The following CDH22 variants were observed in gnomAD, a reference collection of about 807,000 sequenced individuals.
CDH22 encodes cadherin 22.
A neutral mutation model predicts 58.4 loss-of-function variants in CDH22; 30 were observed. That is an observed-to-expected ratio of 0.51 (90% CI 0.38 to 0.70). CDH22 has a LOEUF of 0.70. Ranked by LOEUF, CDH22 falls within the 30% of genes least tolerant of loss-of-function variation. The probability of loss-of-function intolerance (pLI) is 0.00; values close to 1 mark genes in which losing one functional copy is unlikely to be tolerated. For missense variants in CDH22, 1,014 were observed against 1,233.9 expected (o/e 0.82, Z 2.67); for synonymous variants, 513 against 558.2 (o/e 0.92, Z 1.14).
chr20:46,286,318 G>A (rs1027620021), intron 1 of CDH22, among the ~76,000 whole-genome samples: 2 of 152,068 alleles, frequency 1.3e-5, no homozygotes, highest in African/African-American at 4.8e-5. Flanking sequence ...GCAGGGAGTC[G>A]AGGTCCAAAT....
At chr20:46,234,779 A>T (rs1202457141) in intron 3 of CDH22, among the ~76,000 whole-genome samples, 1 of 152,246 alleles carries the variant, frequency 6.6e-6, no homozygotes, top group Non-Finnish European at 1.5e-5. Context: ...AATACAGCCC[A>T]ACAGTCACTA....
At chr20:46,275,363 A>T (rs1439969887) in intron 1 of CDH22, among the ~76,000 whole-genome samples, 1 of 151,882 alleles carries the variant, frequency 6.6e-6, no homozygotes, top group African/African-American at 2.4e-5. Flanking sequence ...TTGCCATCTG[A>T]CTATCTTTGT....
intron 1 of CDH22, among the ~76,000 whole-genome samples, chr20:46,301,979 C>A (rs1319397971): frequency 6.6e-6 from 1 of 152,210 alleles, no homozygotes; most frequent in Non-Finnish European, 1.5e-5. Context: ...CTTCTCTCCT[C>A]TCTAAGTGCC....
chr20:46,253,563 C>T (rs2086391571), intron 1 of CDH22, among the ~76,000 whole-genome samples: 1 of 152,188 alleles, frequency 6.6e-6, no homozygotes, highest in Non-Finnish European at 1.5e-5. Flanking sequence ...GCTTCCCAAC[C>T]CTGGCAGCCC....
chr20:46,187,055 T>G, intron 8 of CDH22, 108 bp from the exon 9 acceptor site: 1 of 1,248,776 alleles, frequency 8.0e-7, no homozygotes, highest in Non-Finnish European at 1.1e-6. Flanking sequence ...GCTGAGAAAT[T>G]TGTGGGTTAA....
intron 1 of CDH22, among the ~76,000 whole-genome samples, chr20:46,255,507 G>A (rs1391274014): frequency 5.9e-5 from 9 of 152,204 alleles, no homozygotes; most frequent in Non-Finnish European, 1.2e-4. Flanking sequence ...AGCCTGCCCC[G>A]CCTTGTGAGG....
intron 1 of CDH22, among the ~76,000 whole-genome samples, chr20:46,293,917 A>G: frequency 6.6e-6 from 1 of 152,204 alleles, no homozygotes; most frequent in South Asian, 2.1e-4. Context: ...CAGGAGGCTG[A>G]GGCAGGAGAA....
chr20:46,289,804 G>A (rs796470131), intron 1 of CDH22, among the ~76,000 whole-genome samples: 17 of 152,336 alleles, frequency 1.1e-4, no homozygotes, highest in African/African-American at 4.1e-4. Flanking sequence ...ATGAGCCAAG[G>A]AATCTCTAGA....
At chr20:46,222,724 T>G (rs1204795518) in intron 4 of CDH22, among the ~76,000 whole-genome samples, 1 of 152,210 alleles carries the variant, frequency 6.6e-6, no homozygotes, top group Non-Finnish European at 1.5e-5. Flanking sequence ...GATGCCTCAT[T>G]AGCACACAAA....
intron 8 of CDH22, among the ~76,000 whole-genome samples, chr20:46,196,744 AC>A (rs2085906324): frequency 2.6e-5 from 4 of 152,016 alleles, no homozygotes; most frequent in Admixed American, 6.5e-5. Flanking sequence ...TAGAATGGAC[AC>A]CCCTTAGGGG....
intron 1 of CDH22, among the ~76,000 whole-genome samples, chr20:46,267,924 C>A (rs532570861): frequency 2.5e-3 from 387 of 152,328 alleles, no homozygotes; most frequent in Non-Finnish European, 3.5e-3. Flanking sequence ...GGAAGCAGGA[C>A]CACGTGGAGG....
chr20:46,191,716 G>A (rs953844358), intron 8 of CDH22, among the ~76,000 whole-genome samples: 14 of 152,138 alleles, frequency 9.2e-5, no homozygotes, highest in Non-Finnish European at 8.8e-5. Flanking sequence ...GTTTTAAAGG[G>A]GAGTTTTTAA....
At chr20:46,196,554 G>A (rs1342157091) in intron 8 of CDH22, among the ~76,000 whole-genome samples, 4 of 152,194 alleles carry the variant, frequency 2.6e-5, no homozygotes, top group Non-Finnish European at 2.9e-5. Flanking sequence ...GATTACAGGC[G>A]TGAGCCACTG....
intron 4 of CDH22, among the ~76,000 whole-genome samples, chr20:46,226,084 G>C (rs373814222): frequency 6.6e-6 from 1 of 151,852 alleles, no homozygotes; most frequent in South Asian, 2.1e-4. Flanking sequence ...CCACCCTCTC[G>C]ACGTCACCTC....
chr20:46,180,950 G>GTGTA, intron 10 of CDH22, among the ~76,000 whole-genome samples: 1 of 151,788 alleles, frequency 6.6e-6, no homozygotes, highest in African/African-American at 2.4e-5. Context: ...GTGTGTGTGT[G>GTGTA]TGTGTGTGTG....
In CDH22 at chr20:46,251,167, G is replaced by A. The variant is rs1382564715; in HGVS notation, c.128C>T (p.Ser43Leu). The A allele has an allele frequency of 7.0e-6, 11 of 1,581,934 alleles. No homozygotes were observed. Among genetic ancestry groups the A allele is most frequent in the Non-Finnish European group, 9.4e-6 (11 of 1,165,222 alleles). Reference sequence around the variant, plus strand: ...CTGCCGAGCTCCGGGCGCCGACGGCGAGGGTGTGCCCGCTGCCCACAGGCG... The same window carrying A: ...CTGCCGAGCTCCGGGCGCCGACGGCAAGGGTGTGCCCGCTGCCCACAGGCG... ...LGRLWAAGTPSPSAPGARQDG... is the reference protein window; with the variant it reads ...LGRLWAAGTPLPSAPGARQDG... The change falls in exon 2 of 12, where the codon TCG becomes TTG. Residue 43 changes from serine (S) to leucine (L), a missense_variant. Ser to Leu is a moderately radical substitution (Grantham distance 145, BLOSUM62 -2). Around this residue, in one of 2 missense-constraint regions of CDH22, gnomAD observed 806 missense variants for 1,038.7 expected, o/e 0.78. Coordinates refer to ENST00000537909, the MANE Select transcript of CDH22 (RefSeq NM_021248.3). This position sits in a 1 kb window ranked among gnomAD's most constrained non-coding sequence, Gnocchi z 6.7.
At position 46,203,377 on chromosome 20, in the gene CDH22, C is replaced by T. The variant is rs544538177; in HGVS notation, c.1287-3818G>A. Among the ~76,000 whole-genome samples, 4 of 152,006 alleles carry T rather than the reference C, an allele frequency of 2.6e-5. No individual in the cohort carries two copies. The East Asian group carries it at 7.8e-4, about 30-fold the overall frequency. On this transcript the variant is annotated intron_variant, in intron 7 of 11. Coordinates refer to ENST00000537909, the MANE Select transcript of CDH22 (RefSeq NM_021248.3). Reference sequence around the variant, plus strand: ...TTGTGCAGCTCACGTGTAGTGCTCGCATGGGTTGTGTATTTGGTCTGTGTT... The same window carrying T: ...TTGTGCAGCTCACGTGTAGTGCTCGTATGGGTTGTGTATTTGGTCTGTGTT...
At chr20:46,205,524 T>C (rs941980860) in intron 7 of CDH22, among the ~76,000 whole-genome samples, 11 of 152,114 alleles carry the variant, frequency 7.2e-5, no homozygotes, top group African/African-American at 2.7e-4. Flanking sequence ...CACTGTGGAG[T>C]GCTGGGTGGA....
At chr20:46,278,489 G>A (rs188081117) in intron 1 of CDH22, among the ~76,000 whole-genome samples, 1 of 152,168 alleles carries the variant, frequency 6.6e-6, no homozygotes, top group Non-Finnish European at 1.5e-5. Flanking sequence ...ACTCAGGATG[G>A]GCCTTCTGAC....
Sources: gnomAD v4.1 joint callset for allele counts (sites outside exome capture counted in the v4.1 genomes callset) on GRCh38, gnomAD v4.1.1 for gene constraint, gnomAD v4.1.1 regional missense constraint, Gnocchi (gnomAD v3.1) non-coding constraint, MANE v1.5 for transcripts, NCBI Gene and HGNC (gene_info 2026-07-23, HGNC 2026-07-21) for gene names.